The following CHMP2B variants were observed in gnomAD, a reference collection of about 807,000 sequenced individuals.
CHMP2B encodes the protein VPS2 homolog B.
CHMP2B carries 22 observed loss-of-function variants against 29.8 expected under a neutral mutation model. That is an observed-to-expected ratio of 0.74 (90% CI 0.53 to 1.05). The LOEUF is 1.05. Among genes scored for constraint, CHMP2B ranks in the 50% least tolerant of loss-of-function variants. The pLI is 0.00. For missense variants in CHMP2B, 261 were observed against 252.2 expected (o/e 1.03, Z -0.24); for synonymous variants, 78 against 75.8 (o/e 1.03, Z -0.15).
In CHMP2B at chr3:87,249,886, A is replaced by G. The variant is rs550496419; in HGVS notation, c.333A>G (p.Ala111=). 1 of 1,593,386 alleles carries G rather than the reference A, an allele frequency of 6.3e-7. No homozygotes were observed. Among genetic ancestry groups the G allele is most frequent in the Admixed American group, 1.7e-5 (1 of 59,772 alleles). ...AAATACATTTAAAGACAATGCAGGCAGTTAACAAGAAGATGGATCCACAAA... is the reference window on the plus strand; with the variant it reads ...AAATACATTTAAAGACAATGCAGGCGGTTAACAAGAAGATGGATCCACAAA... ...AMSTTAKTMQ[A]VNKKMDPQKT... Residue 111 remains alanine (A), a synonymous_variant, in exon 4 of 6, where the codon GCA becomes GCG. Transcript: ENST00000263780.
At chr3:87,230,232 A>G (rs1705881712) in intron 1 of CHMP2B, among the ~76,000 whole-genome samples, 1 of 152,210 alleles carries the variant, frequency 6.6e-6, no homozygotes, top group East Asian at 1.9e-4. Context: ...TAAACACTAT[A>G]TAATTTTTGT....
At chr3:87,236,474 C>T (rs1239374299) in intron 1 of CHMP2B, among the ~76,000 whole-genome samples, 1 of 152,104 alleles carries the variant, frequency 6.6e-6, no homozygotes, top group African/African-American at 2.4e-5. Flanking sequence ...AGTTGCTGTG[C>T]ACCTGTGTCA....
In CHMP2B at chr3:87,227,477, G is replaced by T. The variant is rs778570281; in HGVS notation, c.-46G>T. 1.9e-6 allele frequency: 3 copies of T among 1,612,874 alleles called. No individual in the cohort carries two copies. The highest frequency in any genetic ancestry group is 1.6e-4 in the Middle Eastern group (1 of 6,062). ...TTTCCTCCTGTCCTTTGCCAGCGTT[G>T]GGCCGGACCGGGCCGAGCCGGGCCG... On this transcript the variant is annotated 5_prime_UTR_variant, in exon 1 of 6. Transcript: ENST00000263780.
chr3:87,227,696 C>A, intron 1 of CHMP2B, 140 bp downstream of exon 1: 1 of 1,075,620 alleles, frequency 9.3e-7, no homozygotes. Flanking sequence ...CCTCGCGGCA[C>A]CACTTCTCTG....
intron 2 of CHMP2B, among the ~76,000 whole-genome samples, chr3:87,241,471 G>C (rs1204027951): frequency 6.6e-6 from 1 of 152,004 alleles, no homozygotes; most frequent in Admixed American, 6.6e-5. Flanking sequence ...ATCCCTGCCT[G>C]TCTCCCTTTT....
intron 2 of CHMP2B, 82 bp downstream of exon 2, chr3:87,240,872 A>G (rs1279722027): frequency 1.7e-5 from 17 of 989,306 alleles, no homozygotes; most frequent in Non-Finnish European, 2.6e-5. Context: ...ACTAGGAAGA[A>G]GGCACATGGC....
intron 1 of CHMP2B, among the ~76,000 whole-genome samples, chr3:87,234,283 GTTTTTAT>G (rs1275367532): frequency 2.0e-5 from 3 of 152,064 alleles, no homozygotes; most frequent in Non-Finnish European, 4.4e-5. Context: ...TTTTTGTTTT[GTTTTTAT>G]TTTTTATTTT....
intron 1 of CHMP2B, among the ~76,000 whole-genome samples, chr3:87,233,609 A>G (rs1705944891): frequency 6.6e-6 from 1 of 152,146 alleles, no homozygotes; most frequent in Non-Finnish European, 1.5e-5. Flanking sequence ...GGATTTGTCC[A>G]GTGCTGTTAC....
chr3:87,252,307 T>G (rs541982702), intron 4 of CHMP2B, among the ~76,000 whole-genome samples: 2 of 151,908 alleles, frequency 1.3e-5, no homozygotes, highest in African/African-American at 4.8e-5. Context: ...AGGTTACCTG[T>G]CTTTCTTTTT....
chr3:87,248,419 G>A lies in CHMP2B; in HGVS notation c.322-1456G>A, dbSNP rs573734332. Among the ~76,000 whole-genome samples, 68 of 151,568 alleles carry A rather than the reference G, an allele frequency of 4.5e-4. 1 individual carries two copies. Among genetic ancestry groups the A allele is most frequent in the South Asian group, 3.1e-3 (15 of 4,764 alleles). ...GTTGCCCAGGCTGGAGTGCAATGGC[G>A]TGATCTTGGCTCACTGCAACCCCTG... On this transcript the variant is annotated intron_variant, in intron 3 of 5. Coordinates refer to ENST00000263780, the MANE Select transcript of CHMP2B (RefSeq NM_014043.4).
chr3:87,236,776 C>T (rs1053150640), intron 1 of CHMP2B, among the ~76,000 whole-genome samples: 1 of 151,818 alleles, frequency 6.6e-6, no homozygotes, highest in African/African-American at 2.4e-5. Flanking sequence ...GCAGGAGAAT[C>T]GCTTGAACCT....
At chr3:87,237,042 G>C (rs1382049783) in intron 1 of CHMP2B, among the ~76,000 whole-genome samples, 1 of 152,150 alleles carries the variant, frequency 6.6e-6, no homozygotes, top group Non-Finnish European at 1.5e-5. Flanking sequence ...TTTTATATCA[G>C]TCCATTGGCT....
chr3:87,229,595 A>G (rs1038320136), intron 1 of CHMP2B, among the ~76,000 whole-genome samples: 1 of 152,050 alleles, frequency 6.6e-6, no homozygotes, highest in African/African-American at 2.4e-5. Flanking sequence ...CTAAAAGGTG[A>G]CAGCATTCTT....
intron 1 of CHMP2B, among the ~76,000 whole-genome samples, chr3:87,234,883 A>G (rs992911233): frequency 1.3e-5 from 2 of 152,256 alleles, no homozygotes; most frequent in African/African-American, 4.8e-5. Flanking sequence ...AAAACAGCCA[A>G]TTATTTCAAT....
intron 2 of CHMP2B, among the ~76,000 whole-genome samples, chr3:87,245,216 A>G (rs1706188425): frequency 6.6e-6 from 1 of 152,086 alleles, no homozygotes; most frequent in African/African-American, 2.4e-5. Context: ...TTTTTGTATA[A>G]GTTGGTGTCT....
chr3:87,231,080 G>A (rs1051736255), intron 1 of CHMP2B, among the ~76,000 whole-genome samples: 2 of 151,632 alleles, frequency 1.3e-5, no homozygotes, highest in Non-Finnish European at 2.9e-5. Flanking sequence ...TGTTCTAACT[G>A]CATTCTCTCC....
At chr3:87,237,720 A>C (rs529830620) in intron 1 of CHMP2B, among the ~76,000 whole-genome samples, 2 of 152,200 alleles carry the variant, frequency 1.3e-5, no homozygotes, top group Non-Finnish European at 2.9e-5. Flanking sequence ...CATTCCCAGA[A>C]GCCTTGAAGC....
intron 1 of CHMP2B, among the ~76,000 whole-genome samples, chr3:87,236,372 C>T (rs1706008668): frequency 6.6e-6 from 1 of 152,072 alleles, no homozygotes; most frequent in Non-Finnish European, 1.5e-5. Flanking sequence ...GTGCCAGGCA[C>T]CCAGGATGAA....
chr3:87,253,967 C>A lies in CHMP2B; in HGVS notation c.*145C>A. 1.7e-6 allele frequency: 1 copy of A among 605,650 alleles called. No individual in the cohort carries two copies. The highest frequency in any genetic ancestry group is 2.9e-6 in the Non-Finnish European group (1 of 344,816). The allele number at this position is 605,650 out of a possible 1,614,324, so 37.5% of individuals were successfully genotyped here. On this transcript the variant is annotated 3_prime_UTR_variant, in exon 6 of 6. Transcript: ENST00000263780. ...TGAACAGTTGTTTCCTAACCCATGG[C>A]TATTTAGAATCTTTTGCCAAAGAAT... is the stretch of plus-strand genomic sequence containing the variant.
Sources: gnomAD v4.1 joint callset for allele counts (sites outside exome capture counted in the v4.1 genomes callset) on GRCh38, gnomAD v4.1.1 for gene constraint, MANE v1.5 for transcripts, NCBI Gene and HGNC (gene_info 2026-07-23, HGNC 2026-07-21) for gene names.